Variants in TBC1D22B observed in about 807,000 individuals in gnomAD.
TBC1D22B encodes the protein chromosome 6 open reading frame 197.
TBC1D22B carries 32 observed loss-of-function variants against 69.1 expected under a neutral mutation model. The ratio of observed to expected loss-of-function variants is 0.46; its 90% CI spans 0.35 to 0.62. TBC1D22B has a LOEUF of 0.62. Ranked by LOEUF, TBC1D22B falls within the 20% of genes least tolerant of loss-of-function variation. TBC1D22B has a pLI of 0.00. For synonymous variants in TBC1D22B, 206 were observed against 229.8 expected, an observed-to-expected ratio of 0.90 and a Z score of 0.94; for missense variants, 462 against 630.9, an observed-to-expected ratio of 0.73 and a Z score of 2.87.
At chr6:37,327,653 G>A (rs1329950203) in intron 12 of TBC1D22B, among the ~76,000 whole-genome samples, 1 of 152,150 alleles carries the variant, frequency 6.6e-6, no homozygotes, top group East Asian at 1.9e-4. Flanking sequence ...TCAGCTAAAG[G>A]CAGAGTTTTT....
intron 12 of TBC1D22B, among the ~76,000 whole-genome samples, chr6:37,325,540 CTTTTTTTTTT>C (rs70977648): frequency 2.5e-4 from 19 of 77,174 alleles, no homozygotes; most frequent in African/African-American, 7.3e-4. Context: ...ATCGTTTCTA[CTTTTTTTTTT>C]TTTTTTTTTT....
At chr6:37,302,527 A>T (rs1291888869) in intron 8 of TBC1D22B, among the ~76,000 whole-genome samples, 1 of 152,262 alleles carries the variant, frequency 6.6e-6, no homozygotes. Flanking sequence ...GGAGAAGAGC[A>T]GGACTTATGA....
chr6:37,332,802 G>A lies in TBC1D22B; in HGVS notation c.*1630G>A, dbSNP rs1768621207. On this transcript the variant is annotated 3_prime_UTR_variant, in exon 13 of 13. Coordinates refer to ENST00000373491, the MANE Select transcript of TBC1D22B (RefSeq NM_017772.4). The stretch of plus-strand genomic sequence containing the variant: ...TTTTCCCCTTCGGTGTGCCTCAGTG[G>A]TCTCCTTCATAGAGTGAGAGGGCTT... The A allele has an allele frequency of 6.6e-6, 1 of 152,620 alleles. No homozygotes were observed. The highest frequency in any genetic ancestry group is 1.9e-4 in the East Asian group (1 of 5,200). 9.5% of individuals were successfully genotyped at this position (152,620 alleles called of 1,614,324 possible).
chr6:37,295,677 C>A, intron 8 of TBC1D22B: 1 of 404,438 alleles, frequency 2.5e-6, no homozygotes. Context: ...GGTTCATTAG[C>A]TGAGATTTAA....
intron 1 of TBC1D22B, among the ~76,000 whole-genome samples, chr6:37,260,362 T>G (rs562976794): frequency 1.3e-5 from 2 of 152,350 alleles, no homozygotes; most frequent in African/African-American, 4.8e-5. Context: ...ATGACAGGGT[T>G]CTTTCCATTT....
In TBC1D22B at chr6:37,257,843, C is replaced by A; in HGVS notation, c.-75C>A. The A allele has an allele frequency of 6.5e-7, 1 of 1,539,116 alleles. No individual in the cohort carries two copies. ...CGGGGAAGCGGCCTGGGTTGGCCCT[C>A]AGATTGCGGGGTCTGGGGGCATCTC... On this transcript the variant is annotated 5_prime_UTR_variant, in exon 1 of 13. Transcript: ENST00000373491.
In TBC1D22B at chr6:37,331,512, G is replaced by T; in HGVS notation, c.*340G>T. On this transcript the variant is annotated 3_prime_UTR_variant, in exon 13 of 13. Transcript: ENST00000373491. ...GTCCCTACAAGGACAGGCCCCAACT[G>T]ATAACCGTTGCTTTTTTTTTTTTGT... is the stretch of plus-strand genomic sequence containing the variant. The T allele has an allele frequency of 5.5e-6, 1 of 181,128 alleles. No homozygotes were observed. Among genetic ancestry groups the T allele is most frequent in the South Asian group, 1.7e-4 (1 of 5,812 alleles). 11.2% of individuals were successfully genotyped at this position (181,128 alleles called of 1,614,324 possible).
At position 37,284,387 on chromosome 6, in the gene TBC1D22B, C is replaced by T. The variant is rs756699492; in HGVS notation, c.724C>T (p.Arg242Trp). ...ERRKLTLQRK[R>W]EEYFGFIEQY... ...GAGGAAGTTGACCCTGCAGCGGAAG[C>T]GGGAGGAATATTTTGGCTTCATTGA... The change falls in exon 6 of 13, where the codon CGG becomes TGG. Residue 242 changes from arginine (R) to tryptophan (W), a missense_variant. Arg to Trp is a moderately radical substitution (Grantham distance 101). Coordinates refer to ENST00000373491, the MANE Select transcript of TBC1D22B (RefSeq NM_017772.4). 4.3e-6 allele frequency: 7 copies of T among 1,613,342 alleles called. No homozygotes were observed. Among genetic ancestry groups the T allele is most frequent in the South Asian group, 1.1e-5 (1 of 90,952 alleles).
chr6:37,328,673 A>T (rs1768497770), intron 12 of TBC1D22B, among the ~76,000 whole-genome samples: 2 of 152,368 alleles, frequency 1.3e-5, no homozygotes, highest in Admixed American at 6.5e-5. Context: ...AAAATGTTTT[A>T]AAATGGCTTC....
At chr6:37,280,735 TAGGTAATATG>T (rs1230554400) in intron 3 of TBC1D22B, among the ~76,000 whole-genome samples, 1 of 152,204 alleles carries the variant, frequency 6.6e-6, no homozygotes, top group Non-Finnish European at 1.5e-5. Flanking sequence ...TGTCTGTAAA[TAGGTAATATG>T]AGATTTACCT....
At chr6:37,313,164 C>G in intron 9 of TBC1D22B, 140 bp downstream of exon 9, 5 of 707,026 alleles carry the variant, frequency 7.1e-6, no homozygotes, top group South Asian at 4.6e-5. Flanking sequence ...TCATCCATCT[C>G]TATCCTTCTT....
Position 37,279,515 on chromosome 6 carries a change from G to A in TBC1D22B, c.325G>A (p.Val109Ile). Residue 109 changes from valine (V) to isoleucine (I), a missense_variant, in exon 3 of 13, where the codon GTA (valine) becomes ATA (isoleucine). Physicochemically the swap from Val to Ile is conservative, Grantham distance 29. This residue lies in a region of TBC1D22B where 237 missense variants were observed against 255.4 expected (regional missense o/e 0.93). Coordinates refer to ENST00000373491, the MANE Select transcript of TBC1D22B (RefSeq NM_017772.4). ...QVLENHSKLR[V>I]KPERSQSTTS... ...TCTAGAAAACCACAGCAAGCTGAGA[G>A]TAAAACCAGAACGGTCCCAGTCAAC... 1.9e-6 allele frequency: 3 copies of A among 1,614,248 alleles called. No individual in the cohort carries two copies. Among genetic ancestry groups the A allele is most frequent in the Non-Finnish European group, 2.5e-6 (3 of 1,180,046 alleles).
chr6:37,298,747 A>G (rs1767471716), intron 8 of TBC1D22B, among the ~76,000 whole-genome samples: 1 of 151,956 alleles, frequency 6.6e-6, no homozygotes, highest in Non-Finnish European at 1.5e-5. Flanking sequence ...GGGTTTCACC[A>G]TGTTAGCCAG....
intron 1 of TBC1D22B, among the ~76,000 whole-genome samples, chr6:37,263,707 C>A (rs923743115): frequency 1.3e-5 from 2 of 152,144 alleles, no homozygotes; most frequent in African/African-American, 4.8e-5. Context: ...CCTTGGCCTC[C>A]CGAGTAGCTG....
intron 2 of TBC1D22B, among the ~76,000 whole-genome samples, chr6:37,275,275 C>G (rs907092283): frequency 6.6e-6 from 1 of 152,154 alleles, no homozygotes; most frequent in Non-Finnish European, 1.5e-5. Flanking sequence ...GATGTGGCTT[C>G]TTTCCTGTCT....
chr6:37,285,070 C>T (rs139856224), intron 6 of TBC1D22B, among the ~76,000 whole-genome samples: 243 of 152,234 alleles, frequency 1.6e-3, no homozygotes, highest in African/African-American at 5.5e-3. Context: ...CCCAACATCA[C>T]ATGTGGAGGG....
Position 37,271,335 on chromosome 6 carries a change from A to G in TBC1D22B, c.113+1685A>G, listed in dbSNP as rs572070897. ...CTCAAAAAACAAAGCAAAACAAAACAAAACAAAAAACGGTGGATACGTGTC... is the reference window on the plus strand; with the variant it reads ...CTCAAAAAACAAAGCAAAACAAAACGAAACAAAAAACGGTGGATACGTGTC... On this transcript the variant is annotated intron_variant, in intron 2 of 12. Coordinates refer to ENST00000373491, the MANE Select transcript of TBC1D22B (RefSeq NM_017772.4). Among the ~76,000 whole-genome samples, 17 of 152,258 alleles carry G rather than the reference A, an allele frequency of 1.1e-4. No individual in the cohort carries two copies. In the South Asian group the frequency reaches 2.1e-3, roughly 19 times the overall value.
chr6:37,257,989 TGA>T lies in TBC1D22B; in HGVS notation c.56+20_56+21del. The T allele has an allele frequency of 4.3e-6, 7 of 1,613,688 alleles. No homozygotes were observed. Among genetic ancestry groups the T allele is most frequent in the Non-Finnish European group, 5.1e-6 (6 of 1,179,836 alleles). On this transcript the variant is annotated intron_variant, in intron 1 of 12. Transcript: ENST00000373491. ...TGCCGGGGAGGTGAGCCCAGGACGC[TGA>T]GAGGGATAGGGGATTGGACCAAACC...
intron 10 of TBC1D22B, among the ~76,000 whole-genome samples, chr6:37,314,565 A>G (rs544734633): frequency 7.1e-4 from 108 of 152,308 alleles, no homozygotes; most frequent in African/African-American, 2.5e-3. Context: ...TGTTAGAACG[A>G]AAGGACAACT....
Sources: allele counts gnomAD v4.1 joint callset (sites outside exome capture counted in the v4.1 genomes callset), GRCh38; gene constraint gnomAD v4.1.1; regional missense constraint gnomAD v4.1.1; transcripts MANE v1.5; gene names NCBI Gene and HGNC (gene_info 2026-07-23, HGNC 2026-07-21).